The following ESR1 variants were observed in gnomAD, a reference collection of about 807,000 sequenced individuals.
ESR1 encodes the protein estrogen receptor.
ESR1 carries 12 observed loss-of-function variants against 52.7 expected under a neutral mutation model. The observed-to-expected ratio is 0.23, with a 90% CI of 0.15 to 0.37. The LOEUF (loss-of-function observed/expected upper bound fraction) is 0.37. Ranked by LOEUF, ESR1 falls within the 10% of genes least tolerant of loss-of-function variation. The pLI is 1.00. For synonymous variants in ESR1, 305 were observed against 316.8 expected (o/e 0.96, Z 0.39); for missense variants, 584 against 779.7 (o/e 0.75, Z 2.99).
intron 2 of ESR1, among the ~76,000 whole-genome samples, chr6:151,729,864 G>C (rs1303540953): frequency 6.6e-6 from 1 of 152,032 alleles, no homozygotes; most frequent in Non-Finnish European, 1.5e-5. Flanking sequence ...AAGGTGGGAG[G>C]ATCAGTTGAG....
At chr6:152,000,097 A>G (rs1423575152) in intron 4 of ESR1, among the ~76,000 whole-genome samples, 1 of 151,968 alleles carries the variant, frequency 6.6e-6, no homozygotes, top group Non-Finnish European at 1.5e-5. Flanking sequence ...GACCACCCAT[A>G]TTTTCCAGGG....
upstream of ESR1, among the ~76,000 whole-genome samples, chr6:151,803,977 A>C (rs1293165461): frequency 6.6e-6 from 1 of 152,100 alleles, no homozygotes; most frequent in Non-Finnish European, 1.5e-5. Context: ...AGACACATTC[A>C]ACGGAGGAGC....
At chr6:151,883,642 A>G (rs2128341322) in intron 3 of ESR1, among the ~76,000 whole-genome samples, 1 of 152,200 alleles carries the variant, frequency 6.6e-6, no homozygotes, top group Middle Eastern at 3.4e-3. Context: ...GCTTCAACAT[A>G]CAAGTTTTGT....
At chr6:151,943,007 A>C (rs1317629358) in intron 3 of ESR1, among the ~76,000 whole-genome samples, 3 of 152,190 alleles carry the variant, frequency 2.0e-5, no homozygotes, top group Non-Finnish European at 4.4e-5. Flanking sequence ...CCCAAACCTC[A>C]AAGAATCACT....
At chr6:151,864,925 C>T (rs1789584025) in intron 2 of ESR1, among the ~76,000 whole-genome samples, 1 of 115,014 alleles carries the variant, frequency 8.7e-6, no homozygotes. Flanking sequence ...ACATTACACA[C>T]TGGGGCCTGT....
intron 1 of ESR1, among the ~76,000 whole-genome samples, chr6:151,842,155 G>C (rs1161886756): frequency 1.3e-5 from 2 of 152,198 alleles, no homozygotes; most frequent in African/African-American, 4.8e-5. Context: ...TTTGACACAT[G>C]TTCTGTGTTG....
At chr6:151,924,114 G>A (rs951430402) in intron 3 of ESR1, among the ~76,000 whole-genome samples, 4 of 152,108 alleles carry the variant, frequency 2.6e-5, no homozygotes, top group Admixed American at 2.0e-4. Context: ...CACGATCTTC[G>A]CTCATTGCAA....
At chr6:151,927,005 A>G (rs1378904338) in intron 3 of ESR1, among the ~76,000 whole-genome samples, 1 of 152,132 alleles carries the variant, frequency 6.6e-6, no homozygotes, top group Non-Finnish European at 1.5e-5. Flanking sequence ...CCTATATGAA[A>G]TTGAGGAAAT....
chr6:151,704,341 G>A (rs775484040), intron 2 of ESR1, among the ~76,000 whole-genome samples: 2 of 152,116 alleles, frequency 1.3e-5, no homozygotes, highest in Non-Finnish European at 1.5e-5. Context: ...CGGTTCAAGC[G>A]ATTTTTCCTG....
At chr6:152,056,297 A>G (rs375347247) in intron 5 of ESR1, among the ~76,000 whole-genome samples, 9 of 152,312 alleles carry the variant, frequency 5.9e-5, no homozygotes, top group African/African-American at 1.7e-4. Flanking sequence ...TCTTGCCACT[A>G]TTGATTTTGA....
intron 3 of ESR1, among the ~76,000 whole-genome samples, chr6:151,943,366 C>A (rs896700889): frequency 6.8e-6 from 1 of 147,950 alleles, no homozygotes; most frequent in Non-Finnish European, 1.5e-5. Flanking sequence ...GGTGACACAG[C>A]GAGACTCCAT....
chr6:152,015,025 C>T (rs1417329325), intron 5 of ESR1, among the ~76,000 whole-genome samples: 2 of 152,046 alleles, frequency 1.3e-5, no homozygotes, highest in African/African-American at 4.8e-5. Flanking sequence ...CAAAATTGTG[C>T]CATTGCACTC....
At chr6:152,115,831 T>G (rs542618297) in intron 6 of ESR1, among the ~76,000 whole-genome samples, 8 of 152,292 alleles carry the variant, frequency 5.3e-5, no homozygotes, top group African/African-American at 1.9e-4. Flanking sequence ...TTGCTCTCAA[T>G]TGGGCAATAT....
chr6:152,123,996 A>T (rs1359514141), intron 6 of ESR1, among the ~76,000 whole-genome samples: 3 of 152,194 alleles, frequency 2.0e-5, no homozygotes, highest in Admixed American at 6.5e-5. Flanking sequence ...GAACAGAGGG[A>T]GTATTCAAAA....
At chr6:151,722,404 C>T (rs1343249319) in intron 2 of ESR1, among the ~76,000 whole-genome samples, 3 of 152,054 alleles carry the variant, frequency 2.0e-5, no homozygotes, top group Non-Finnish European at 4.4e-5. Flanking sequence ...AAGAGCCTGG[C>T]TTAGGGAGGG....
chr6:151,714,153 A>G (rs1489257851), intron 2 of ESR1, among the ~76,000 whole-genome samples: 2 of 152,142 alleles, frequency 1.3e-5, no homozygotes, highest in Admixed American at 1.3e-4. Context: ...TGCAGTTTTG[A>G]GTGAGTTTCT....
At chr6:151,843,910 CTTTT>C (rs397885637) in intron 2 of ESR1, among the ~76,000 whole-genome samples, 1 of 137,638 alleles carries the variant, frequency 7.3e-6, no homozygotes, top group Non-Finnish European at 1.6e-5. Context: ...GCCAGTGGGA[CTTTT>C]TTTTTTTTTT....
At chr6:151,893,221 C>T (rs142823487) in intron 3 of ESR1, among the ~76,000 whole-genome samples, 1,555 of 152,156 alleles carry the variant, frequency 0.01, 16 homozygotes, top group African/African-American at 0.036. Context: ...TGGCGGGGAG[C>T]GCCTGTAATC....
At chr6:151,709,473 A>C (rs1780423261) in intron 2 of ESR1, among the ~76,000 whole-genome samples, 1 of 152,148 alleles carries the variant, frequency 6.6e-6, no homozygotes, top group African/African-American at 2.4e-5. Context: ...TGACATACTG[A>C]ATACATTCGC....
Sources: allele counts gnomAD v4.1 joint callset (sites outside exome capture counted in the v4.1 genomes callset), GRCh38; gene constraint gnomAD v4.1.1; transcripts MANE v1.5; gene names NCBI Gene and HGNC (gene_info 2026-07-23, HGNC 2026-07-21).